CEP76: variants seen among roughly 807,000 people sequenced by gnomAD.
The protein encoded by CEP76 is centrosomal protein 76.
Under a neutral mutation model 83.3 loss-of-function variants are expected in CEP76, and 55 were observed. The observed-to-expected ratio is 0.66, with a 90% CI of 0.53 to 0.83. CEP76 has a LOEUF of 0.83. Ranked by LOEUF, CEP76 falls within the 40% of genes least tolerant of loss-of-function variation. The pLI is 0.00. For missense variants in CEP76, 694 were observed against 799.5 expected (o/e 0.87, Z 1.59); for synonymous variants, 270 against 274.5 (o/e 0.98, Z 0.16).
downstream of CEP76, chr18:12,670,734 A>G (rs2038921454): frequency 6.6e-6 from 1 of 151,900 alleles, no homozygotes; most frequent in Admixed American, 6.6e-5. Flanking sequence ...CAGTGGCACA[A>G]TCTTTTGGGC....
At chr18:12,676,896 A>G (rs1039461447) in intron 10 of CEP76, among the ~76,000 whole-genome samples, 1 of 152,152 alleles carries the variant, frequency 6.6e-6, no homozygotes, top group African/African-American at 2.4e-5. Context: ...AGAACACAGA[A>G]AACAGGGCTC....
At chr18:12,691,680 TAA>T (rs1206850953) in intron 6 of CEP76, among the ~76,000 whole-genome samples, 193 bp from the exon 7 acceptor site, 11 of 151,728 alleles carry the variant, frequency 7.2e-5, no homozygotes, top group Admixed American at 6.6e-4. Flanking sequence ...ACAATAATCA[TAA>T]GTCACCTTTT....
intron 5 of CEP76, among the ~76,000 whole-genome samples, chr18:12,696,797 G>A (rs1167665897): frequency 6.6e-6 from 1 of 152,122 alleles, no homozygotes; most frequent in Non-Finnish European, 1.5e-5. Context: ...CACCCACACT[G>A]TAAAAGGTTG....
rs1393223208 is a variant in CEP76 at position 12,673,207 on chromosome 18, T to A, written c.*158A>T. On this transcript the variant is annotated 3_prime_UTR_variant, in exon 12 of 12. Transcript: ENST00000262127. ...CCTTAATTTTTAAAGGAATGCATGA[T>A]TTTTTTTAAACATTACCAGTCAAGT... The A allele has an allele frequency of 2.3e-6, 3 of 1,326,114 alleles. No individual in the cohort carries two copies. Among genetic ancestry groups the A allele is most frequent in the Non-Finnish European group, 2.9e-6 (3 of 1,033,816 alleles). 82.1% of individuals were successfully genotyped at this position (1,326,114 alleles called of 1,614,324 possible). A position where few individuals can be genotyped will look rare whatever the true frequency, so the allele number is the denominator to read the frequency against.
At chr18:12,697,485 A>G (rs2039997301) in intron 4 of CEP76, 77 bp from the exon 5 acceptor site, 1 of 962,062 alleles carries the variant, frequency 1.0e-6, no homozygotes, top group Middle Eastern at 2.8e-4. Flanking sequence ...CTTTTATTAA[A>G]CAGTAAATAA....
chr18:12,673,302 AG>A lies in CEP76; in HGVS notation c.*62del. The A allele has an allele frequency of 6.5e-7, 1 of 1,533,970 alleles. No homozygotes were observed. Among genetic ancestry groups the A allele is most frequent in the Non-Finnish European group, 8.7e-7 (1 of 1,149,248 alleles). On this transcript the variant is annotated 3_prime_UTR_variant, in exon 12 of 12. Transcript: ENST00000262127. ...AAAATAACAAACCTCTAAATAGCTAAGTAATGTACAATGTGTAAAATTCCAA... is the reference window on the plus strand; with the variant it reads ...AAAATAACAAACCTCTAAATAGCTAATAATGTACAATGTGTAAAATTCCAA...
At chr18:12,668,894 C>T (rs1256231558), downstream of CEP76, among the ~76,000 whole-genome samples, 1 of 151,154 alleles carries the variant, frequency 6.6e-6, no homozygotes, top group African/African-American at 2.4e-5. Context: ...GTGTGGGCTA[C>T]TATGCCTGGC....
In CEP76 at chr18:12,702,683, G is replaced by C; in HGVS notation, c.-135C>G. ...GCCGTTCGCCTAGCGCAGCTCCCGGGGGACGCAACGCCGCGTCAGGCCGGG... is the reference window on the plus strand; with the variant it reads ...GCCGTTCGCCTAGCGCAGCTCCCGGCGGACGCAACGCCGCGTCAGGCCGGG... On this transcript the variant is annotated 5_prime_UTR_variant, in exon 1 of 12. Transcript: ENST00000262127. 7 of 963,190 alleles carry C rather than the reference G, an allele frequency of 7.3e-6. No homozygotes were observed. Among genetic ancestry groups the C allele is most frequent in the South Asian group, 3.5e-5 (2 of 57,130 alleles). 59.7% of individuals were successfully genotyped at this position (963,190 alleles called of 1,614,324 possible).
At chr18:12,693,785 AAAAC>A (rs1568028562) in intron 6 of CEP76, among the ~76,000 whole-genome samples, 1 of 152,202 alleles carries the variant, frequency 6.6e-6, no homozygotes, top group African/African-American at 2.4e-5. Flanking sequence ...CTGTCTGAAA[AAAAC>A]AAACAAAAAA....
chr18:12,680,402 C>T (rs1291217977), intron 9 of CEP76, among the ~76,000 whole-genome samples: 1 of 151,836 alleles, frequency 6.6e-6, no homozygotes, highest in Non-Finnish European at 1.5e-5. Flanking sequence ...TCGAGACCAG[C>T]CTGGCTAACA....
At chr18:12,663,744 A>G (rs555142982) in intron 12 of CEP76, among the ~76,000 whole-genome samples, 10 of 152,090 alleles carry the variant, frequency 6.6e-5, no homozygotes, top group Non-Finnish European at 1.0e-4. Context: ...TCAAGCCTCT[A>G]TTATTTAATT....
chr18:12,664,467 T>C (rs1032178645), intron 12 of CEP76, among the ~76,000 whole-genome samples: 1 of 151,866 alleles, frequency 6.6e-6, no homozygotes, highest in Non-Finnish European at 1.5e-5. Flanking sequence ...GGAGAATTGC[T>C]TGAACCCGGG....
At chr18:12,682,987 A>T (rs1345401092) in intron 8 of CEP76, among the ~76,000 whole-genome samples, 1 of 152,058 alleles carries the variant, frequency 6.6e-6, no homozygotes, top group African/African-American at 2.4e-5. Flanking sequence ...AAGTAAAATA[A>T]AAATATCTGC....
Position 12,686,435 on chromosome 18 carries a change from T to C in CEP76, c.949A>G (p.Asn317Asp), listed in dbSNP as rs892916620. 6.2e-7 allele frequency: 1 copy of C among 1,609,696 alleles called. No individual in the cohort carries two copies. Among genetic ancestry groups the C allele is most frequent in the Non-Finnish European group, 8.5e-7 (1 of 1,178,372 alleles). The change falls in exon 8 of 12, where the codon AAT (asparagine) becomes GAT (aspartate). Residue 317 changes from asparagine to aspartate, a missense_variant. Transcript: ENST00000262127. ...KIFAQDENGINRPVCSYVKPL... is the reference protein window; with the variant it reads ...KIFAQDENGIDRPVCSYVKPL... ...TTAACATAGGAACAGACTGGTCTATTTATCCCATTTTCATCCTAGGGAAAA... is the reference window on the plus strand; with the variant it reads ...TTAACATAGGAACAGACTGGTCTATCTATCCCATTTTCATCCTAGGGAAAA...
intron 9 of CEP76, among the ~76,000 whole-genome samples, chr18:12,679,855 G>T (rs1222522213): frequency 6.6e-6 from 1 of 151,934 alleles, no homozygotes; most frequent in Non-Finnish European, 1.5e-5. Context: ...TTGAGCCCAG[G>T]AGTTCAAGAC....
Position 12,695,365 on chromosome 18 carries a change from T to C in CEP76, c.707-14A>G, listed in dbSNP as rs1444497249. On this transcript the variant is annotated splice_polypyrimidine_tract_variant and intron_variant, in intron 5 of 11. Transcript: ENST00000262127. ...TTGATTCTGTGCCTATAAACATAAA[T>C]ATTTTGAACTTCAGAGATTTCAATA... 7.8e-7 allele frequency: 1 copy of C among 1,288,794 alleles called. No individual in the cohort carries two copies. Among genetic ancestry groups the C allele is most frequent in the East Asian group, 2.4e-5 (1 of 41,998 alleles). 79.8% of individuals were successfully genotyped at this position (1,288,794 alleles called of 1,614,324 possible). A position where few individuals can be genotyped will look rare whatever the true frequency, so the allele number is the denominator to read the frequency against.
rs187590282 is a variant in CEP76, at chr18:12,701,012, G to C, written c.165C>G (p.Ala55=). ...QHLSTEDLIK[A]LRRRGIIDDV... is the part of the protein sequence containing the mutation. ...CGTCAATGATTCCTCGACGTCTAAGGGCTTTGATCAAATCTTCTGTTGATA... is the reference window on the plus strand; with the variant it reads ...CGTCAATGATTCCTCGACGTCTAAGCGCTTTGATCAAATCTTCTGTTGATA... The change falls in exon 2 of 12, where the codon GCC becomes GCG. Residue 55 remains alanine, a synonymous_variant. Coordinates refer to ENST00000262127, the MANE Select transcript of CEP76 (RefSeq NM_024899.4). 8 of 1,613,598 alleles carry C rather than the reference G, an allele frequency of 5.0e-6. No homozygotes were observed. The South Asian group carries it at 8.8e-5, about 18-fold the overall frequency.
In CEP76 at chr18:12,678,439, G is replaced by A; in HGVS notation, c.1293C>T (p.Tyr431=). 6.4e-7 allele frequency: 1 copy of A among 1,564,396 alleles called. No individual in the cohort carries two copies. The highest frequency in any genetic ancestry group is 8.7e-7 in the Non-Finnish European group (1 of 1,155,152). The change falls in exon 10 of 12, where the codon TAC becomes TAT. Residue 431 remains tyrosine, a synonymous_variant. Coordinates refer to ENST00000262127, the MANE Select transcript of CEP76 (RefSeq NM_024899.4). ...TFWESLTGHR[Y]IHKPTNPDEP... ...CATCAGGATTGGTAGGTTTATGGAT[G>A]TACCTAAAAAAATTAAATAATTTTA...
intron 8 of CEP76, chr18:12,684,800 GTTTGT>G (rs2145038772): frequency 6.6e-6 from 1 of 151,638 alleles, no homozygotes; most frequent in Admixed American, 6.6e-5. Flanking sequence ...AGTTTTACTT[GTTTGT>G]TATCATACTA....
Sources: allele counts gnomAD v4.1 joint callset (sites outside exome capture counted in the v4.1 genomes callset), GRCh38; gene constraint gnomAD v4.1.1; transcripts MANE v1.5; gene names NCBI Gene and HGNC (gene_info 2026-07-23, HGNC 2026-07-21).